Variants in RYR2 observed in about 807,000 individuals in gnomAD.
RYR2 encodes the protein cardiac muscle ryanodine receptor-calcium release channel.
A neutral mutation model predicts 601.1 loss-of-function variants in RYR2; 227 were observed. The observed-to-expected ratio is 0.38, with a 90% CI of 0.34 to 0.42. RYR2 has a LOEUF of 0.42. Among genes scored for constraint, RYR2 ranks in the 10% least tolerant of loss-of-function variants. The pLI is 1.00. For missense variants in RYR2, 4,646 were observed against 6,156.5 expected (o/e 0.75, Z 8.21); for synonymous variants, 2,223 against 2,175.1 (o/e 1.02, Z -0.61).
chr1:237,655,003 A>C (rs1345011754), intron 52 of RYR2, among the ~76,000 whole-genome samples: 1 of 152,232 alleles, frequency 6.6e-6, no homozygotes, highest in Non-Finnish European at 1.5e-5. Context: ...TAAATTAATC[A>C]AAATTAGTTT....
At chr1:237,724,184 C>CATATATATATATATATATAT (rs35705894) in intron 74 of RYR2, among the ~76,000 whole-genome samples, 44 of 136,970 alleles carry the variant, frequency 3.2e-4, no homozygotes, top group Non-Finnish European at 5.3e-4. Context: ...TGTGTGTGTG[C>CATATATATATATATATATAT]ATATATATAT....
intron 33 of RYR2, among the ~76,000 whole-genome samples, chr1:237,595,141 A>T (rs114468783): frequency 6.6e-6 from 1 of 152,050 alleles, no homozygotes; most frequent in African/African-American, 2.4e-5. Flanking sequence ...AATCCATGAG[A>T]TGAAAATTAC....
At chr1:237,525,579 T>C (rs1417157793) in intron 24 of RYR2, among the ~76,000 whole-genome samples, 2 of 152,074 alleles carry the variant, frequency 1.3e-5, no homozygotes, top group African/African-American at 4.8e-5. Context: ...GCCTCCCAAG[T>C]AGCTGGGATT....
intron 21 of RYR2, among the ~76,000 whole-genome samples, chr1:237,502,438 C>A (rs1301295531): frequency 6.6e-6 from 1 of 152,092 alleles, no homozygotes; most frequent in African/African-American, 2.4e-5. Context: ...ACCTTTTTGG[C>A]CTTAGGCACC....
intron 74 of RYR2, among the ~76,000 whole-genome samples, chr1:237,723,936 A>G (rs1269291443): frequency 1.3e-5 from 2 of 152,020 alleles, no homozygotes; most frequent in Non-Finnish European, 2.9e-5. Flanking sequence ...ATATTTTTAC[A>G]GAAGAGATCA....
At chr1:237,729,419 A>G (rs1210456020) in intron 76 of RYR2, among the ~76,000 whole-genome samples, 1 of 152,140 alleles carries the variant, frequency 6.6e-6, no homozygotes, top group Non-Finnish European at 1.5e-5. Flanking sequence ...GATGATTTCT[A>G]GCAGTTCCGG....
chr1:237,637,052 G>A (rs1309303167), intron 44 of RYR2, among the ~76,000 whole-genome samples: 1 of 152,156 alleles, frequency 6.6e-6, no homozygotes, highest in Non-Finnish European at 1.5e-5. Flanking sequence ...GGACTGCAAA[G>A]GGCCCAGGGA....
chr1:237,649,873 T>C lies in RYR2; in HGVS notation c.7513-4T>C, dbSNP rs751840788. 2 of 1,612,188 alleles carry C rather than the reference T, an allele frequency of 1.2e-6. No individual in the cohort carries two copies. The highest frequency in any genetic ancestry group is 3.3e-5 in the Admixed American group (2 of 59,952). ...TGGCCTTCTACTCTCTGATTCTTTT[T>C]CAGGCAGCTTTGAGTGCTACAGACA... On this transcript the variant is annotated splice_region_variant and splice_polypyrimidine_tract_variant and intron_variant, in intron 49 of 104. Coordinates refer to ENST00000366574, the MANE Select transcript of RYR2 (RefSeq NM_001035.3).
At chr1:237,633,555 C>A in intron 42 of RYR2, 23 bp from the exon 43 acceptor site, 1 of 1,613,374 alleles carries the variant, frequency 6.2e-7, no homozygotes, top group South Asian at 1.1e-5. Context: ...CTTTCAGCAG[C>A]TAATGACATG....
At chr1:237,082,653 C>T (rs764237177) in intron 1 of RYR2, among the ~76,000 whole-genome samples, 1 of 150,628 alleles carries the variant, frequency 6.6e-6, no homozygotes, top group Non-Finnish European at 1.5e-5. Flanking sequence ...GGTTAACCCA[C>T]GAAGCCTTGG....
rs1407524067 is a variant in RYR2 at position 237,503,404 on chromosome 1, C to G, written c.2512C>G (p.Arg838Gly). 5.0e-6 allele frequency: 8 copies of G among 1,613,716 alleles called. No individual in the cohort carries two copies. The African/African-American group carries it at 9.4e-5, about 19-fold the overall frequency. The change falls in exon 22 of 105, where the codon CGA becomes GGA. Residue 838 changes from arginine (R) to glycine (G), a missense_variant. By Grantham distance (125) the Arg-to-Gly change is moderately radical. This residue lies in a region of RYR2 where 1,807 missense variants were observed against 2,088.1 expected (regional missense o/e 0.87). Transcript: ENST00000366574. Reference protein sequence around the residue: ...PKEKLKVEHSREYKQERTYTR... With the variant: ...PKEKLKVEHSGEYKQERTYTR... Reference sequence around the variant, plus strand: ...AGAAAAGTTGAAAGTGGAACACAGCCGAGAGTACAAGCAAGAAAGAACTTA... The same window carrying G: ...AGAAAAGTTGAAAGTGGAACACAGCGGAGAGTACAAGCAAGAAAGAACTTA...
chr1:237,813,489 G>T (rs80278432), intron 100 of RYR2, among the ~76,000 whole-genome samples: 1,631 of 152,238 alleles, frequency 0.011, 13 homozygotes, highest in Middle Eastern at 0.02. Context: ...CAACATCCTG[G>T]TCTCTCCTTT....
At chr1:237,171,961 T>G (rs1477839472) in intron 1 of RYR2, among the ~76,000 whole-genome samples, 2 of 152,244 alleles carry the variant, frequency 1.3e-5, no homozygotes, top group Non-Finnish European at 2.9e-5. Context: ...GTTTCCTGGA[T>G]GTTGGCCCAA....
intron 1 of RYR2, among the ~76,000 whole-genome samples, chr1:237,095,781 C>T (rs1300402421): frequency 6.6e-6 from 1 of 152,202 alleles, no homozygotes; most frequent in East Asian, 1.9e-4. Flanking sequence ...ATGTGATAAG[C>T]TACTCACTGC....
intron 1 of RYR2, among the ~76,000 whole-genome samples, chr1:237,119,488 G>A (rs937251352): frequency 6.6e-6 from 1 of 152,188 alleles, no homozygotes; most frequent in Non-Finnish European, 1.5e-5. Context: ...CTGAATGCTT[G>A]AGTTGGTCAT....
In RYR2 at chr1:237,784,283, A is replaced by G; in HGVS notation, c.12571A>G (p.Asn4191Asp). The change falls in exon 90 of 105, where the codon AAC becomes GAC. Residue 4191 changes from asparagine to aspartate, a missense_variant. Physicochemically the swap from Asn to Asp is conservative, Grantham distance 23. Coordinates refer to ENST00000366574, the MANE Select transcript of RYR2 (RefSeq NM_001035.3). The surrounding 1 kb of genome is among the most constrained non-coding windows in gnomAD (Gnocchi z 7.1). ...GAAAGAGAAGATGGAACTCTTTGTG[A>G]ACTTCTGCGAGGACACCATCTTTGA... ...GEKEKMELFV[N>D]FCEDTIFEMQ... 6.2e-7 allele frequency: 1 copy of G among 1,613,942 alleles called. No individual in the cohort carries two copies. The highest frequency in any genetic ancestry group is 8.5e-7 in the Non-Finnish European group (1 of 1,179,882).
chr1:237,396,636 C>T (rs960655084), intron 10 of RYR2, among the ~76,000 whole-genome samples: 15 of 152,184 alleles, frequency 9.9e-5, no homozygotes, highest in African/African-American at 3.6e-4. Flanking sequence ...CTCTTCCTGA[C>T]TCTCAGTCCC....
intron 1 of RYR2, among the ~76,000 whole-genome samples, chr1:237,082,614 C>G (rs2148407723): frequency 6.8e-6 from 1 of 147,412 alleles, no homozygotes; most frequent in South Asian, 2.2e-4. Flanking sequence ...CTCCTGCAGT[C>G]TTCTGTTTCC....
intron 35 of RYR2, among the ~76,000 whole-genome samples, chr1:237,609,761 C>G (rs989287674): frequency 6.6e-6 from 1 of 152,126 alleles, no homozygotes; most frequent in Non-Finnish European, 1.5e-5. Context: ...TTCTAGCTTT[C>G]TGTCCCCCAA....
Sources: allele counts gnomAD v4.1 joint callset (sites outside exome capture counted in the v4.1 genomes callset), GRCh38; gene constraint gnomAD v4.1.1; regional missense constraint gnomAD v4.1.1; non-coding constraint Gnocchi (gnomAD v3.1); transcripts MANE v1.5; gene names NCBI Gene and HGNC (gene_info 2026-07-23, HGNC 2026-07-21).